The following ABCC3 variants were observed in gnomAD, a reference collection of about 807,000 sequenced individuals.
The protein encoded by ABCC3 is ATP binding cassette subfamily C member 3.
Under a neutral mutation model 165.3 loss-of-function variants are expected in ABCC3, and 121 were observed. The ratio of observed to expected loss-of-function variants is 0.73; its 90% CI spans 0.63 to 0.85. The LOEUF is 0.85. ABCC3 is among the 40% of genes least tolerant of loss of function. The pLI is 0.00. For synonymous variants in ABCC3, 733 were observed against 810.1 expected (o/e 0.90, Z 1.62); for missense variants, 1,869 against 1,964.1 (o/e 0.95, Z 0.92).
chr17:50,650,092 C>T lies in ABCC3; in HGVS notation c.46-5740C>T, dbSNP rs578261640. ...CACCATGTTGTTTTAATGGAGAGAA[C>T]CAAATTCTAGTTTTGCATCAGTGTA... is the stretch of plus-strand genomic sequence containing the variant. On this transcript the variant is annotated intron_variant, in intron 1 of 30. Transcript: ENST00000285238. 2.0e-5 allele frequency among the ~76,000 whole-genome samples: 3 copies of T among 152,264 alleles called. No homozygotes were observed. In the South Asian group the frequency reaches 6.2e-4, roughly 32 times the overall value.
rs750071559 is a variant in ABCC3, at chr17:50,683,774, G to A, written c.3954+18G>A. On this transcript the variant is annotated intron_variant, in intron 27 of 30. Coordinates refer to ENST00000285238, the MANE Select transcript of ABCC3 (RefSeq NM_003786.4). ...GCGAGAAGGTACGCGTGGGGTAGGC[G>A]GGCCTGCGTGTGTGTTCATGCCTGC... is the stretch of plus-strand genomic sequence containing the variant. The A allele has an allele frequency of 2.3e-5, 36 of 1,597,274 alleles. No individual in the cohort carries two copies. Among genetic ancestry groups the A allele is most frequent in the South Asian group, 4.5e-5 (4 of 89,184 alleles).
chr17:50,637,340 A>G (rs554177672), intron 1 of ABCC3, among the ~76,000 whole-genome samples: 11 of 151,894 alleles, frequency 7.2e-5, no homozygotes, highest in Non-Finnish European at 1.3e-4. Flanking sequence ...AAGGAGAGAG[A>G]GTCTACACTG....
chr17:50,657,326 T>C, intron 4 of ABCC3, 143 bp downstream of exon 4: 2 of 1,186,660 alleles, frequency 1.7e-6, no homozygotes, highest in Non-Finnish European at 2.4e-6. Context: ...ACTTGCTACA[T>C]TTCTACCTGG....
At position 50,667,580 on chromosome 17, in the gene ABCC3, G is replaced by A. The variant is rs370442151; in HGVS notation, c.1458G>A (p.Ser486=). The A allele has an allele frequency of 5.7e-5, 92 of 1,610,484 alleles. No homozygotes were observed. The highest frequency in any genetic ancestry group is 5.1e-4 in the East Asian group (23 of 44,762). Residue 486 remains serine (S), a synonymous_variant, in exon 12 of 31, where the codon TCG becomes TCA. Coordinates refer to ENST00000285238, the MANE Select transcript of ABCC3 (RefSeq NM_003786.4). ...FQVKQMKLKD[S]RIKLMSEILN... The stretch of plus-strand genomic sequence containing the variant: ...TAAAGCAAATGAAATTGAAGGACTC[G>A]CGCATCAAGCTGATGAGTGAGATCC...
At chr17:50,679,740 A>G in intron 25 of ABCC3, 58 bp from the exon 26 acceptor site, 1 of 1,520,026 alleles carries the variant, frequency 6.6e-7, no homozygotes, top group Non-Finnish European at 9.1e-7. Flanking sequence ...ACTCCTCCCA[A>G]AGCCATTACG....
At chr17:50,661,141 G>T in intron 8 of ABCC3, 27 bp downstream of exon 8, 2 of 1,573,722 alleles carry the variant, frequency 1.3e-6, no homozygotes, top group Non-Finnish European at 1.7e-6. Flanking sequence ...GCTCACTATA[G>T]CCCTGCCCTG....
chr17:50,671,748 T>C (rs966443238), intron 17 of ABCC3, among the ~76,000 whole-genome samples: 2 of 127,304 alleles, frequency 1.6e-5, no homozygotes, highest in African/African-American at 5.6e-5. Context: ...AAGGCTTCAC[T>C]CTGTTGCCCA....
Position 50,675,674 on chromosome 17 carries a change from C to T in ABCC3, c.2758C>T (p.Pro920Ser), listed in dbSNP as rs35999272. ...LSSDGEGQGRPVPRRHLGPSE... is the reference protein window; with the variant it reads ...LSSDGEGQGRSVPRRHLGPSE... ...CTCAGATGGGGAGGGACAGGGTCGG[C>T]CTGTACCCCGGAGGCACCTGGGTCC... is the stretch of plus-strand genomic sequence containing the variant. Residue 920 changes from proline (P) to serine (S), a missense_variant, in exon 21 of 31, where the codon CCT becomes TCT. Physicochemically the swap from Pro to Ser is moderately conservative, Grantham distance 74. Transcript: ENST00000285238. The T allele has an allele frequency of 7.5e-3, 11,750 of 1,572,904 alleles. 755 individuals are homozygous for T. In the African/African-American group the frequency reaches 0.14, roughly 18 times the overall value.
At position 50,643,743 on chromosome 17, in the gene ABCC3, T is replaced by C. The variant is rs866293055; in HGVS notation, c.45+8762T>C. Reference sequence around the variant, plus strand: ...ACAAGTGGTAAAAAGAGGGACTAGGTTGAGCAAGGGGGTAGGAGCAAGAAT... The same window carrying C: ...ACAAGTGGTAAAAAGAGGGACTAGGCTGAGCAAGGGGGTAGGAGCAAGAAT... On this transcript the variant is annotated intron_variant, in intron 1 of 30. Coordinates refer to ENST00000285238, the MANE Select transcript of ABCC3 (RefSeq NM_003786.4). 13 of 414,522 alleles carry C rather than the reference T, an allele frequency of 3.1e-5. No individual in the cohort carries two copies. The Middle Eastern group carries it at 2.1e-3, about 66-fold the overall frequency. 25.7% of individuals were successfully genotyped at this position (414,522 alleles called of 1,614,324 possible). A position where few individuals can be genotyped will look rare whatever the true frequency, so the allele number is the denominator to read the frequency against.
chr17:50,658,313 C>T lies in ABCC3; in HGVS notation c.612+106C>T. The T allele has an allele frequency of 2.5e-6, 4 of 1,587,042 alleles. 1 individual carries two copies. In the South Asian group the frequency reaches 4.4e-5, roughly 18 times the overall value. On this transcript the variant is annotated intron_variant, in intron 5 of 30. Transcript: ENST00000285238. ...GTTCCTTTCAAAGTGGGAGAGAGGT[C>T]ATCCCCACAATCTGTAAACTGGGGC...
At chr17:50,666,952 G>C (rs531051945) in intron 11 of ABCC3, among the ~76,000 whole-genome samples, 7 of 152,060 alleles carry the variant, frequency 4.6e-5, no homozygotes, top group Admixed American at 3.9e-4. Context: ...AGGTGTGGTG[G>C]CTCACACCTG....
chr17:50,675,505 C>T (rs2072365), intron 20 of ABCC3, 29 bp downstream of exon 20: 583,184 of 1,602,490 alleles, frequency 0.36, 108,914 homozygotes, highest in South Asian at 0.45. Context: ...CCAGCCCTCC[C>T]GGAGGCTGTA....
chr17:50,690,075 G>C (rs1482150131), intron 30 of ABCC3, among the ~76,000 whole-genome samples: 1 of 152,222 alleles, frequency 6.6e-6, no homozygotes, highest in East Asian at 1.9e-4. Flanking sequence ...CTGAAAGAAT[G>C]AGTAAGAGTT....
intron 1 of ABCC3, among the ~76,000 whole-genome samples, chr17:50,638,933 T>A (rs2054202675): frequency 1.3e-5 from 2 of 152,196 alleles, no homozygotes; most frequent in South Asian, 4.1e-4. Context: ...AGCCTTGGGC[T>A]TGGGGGCGAA....
At position 50,686,856 on chromosome 17, in the gene ABCC3, C is replaced by T. The variant is rs561142098; in HGVS notation, c.4281-680C>T. Reference sequence around the variant, plus strand: ...ACTTTACTCCGGCTGTGGTGACTCACGCCTTTGGGAAGGGCTGAGGTATTT... The same window carrying T: ...ACTTTACTCCGGCTGTGGTGACTCATGCCTTTGGGAAGGGCTGAGGTATTT... On this transcript the variant is annotated intron_variant, in intron 29 of 30. Transcript: ENST00000285238. Among the ~76,000 whole-genome samples the T allele has an allele frequency of 5.9e-5, 9 of 152,282 alleles. No homozygotes were observed. The South Asian group carries it at 1.9e-3, about 32-fold the overall frequency.
chr17:50,677,184 C>T (rs1380090990), intron 23 of ABCC3, among the ~76,000 whole-genome samples: 1 of 152,228 alleles, frequency 6.6e-6, no homozygotes. Context: ...ACCCGGCCTT[C>T]CTGTTGGCTG....
rs778996978 is a variant in ABCC3 at position 50,676,463 on chromosome 17, CCT to C, written c.3254_3255del (p.Pro1085ArgfsTer86). ...DIYVVDEVLA[P>X]VILMLLNSFF... ...CTATGTCGTTGATGAGGTTCTGGCC[CCT>C]GTCATCCTCATGCTGCTCAATTCCT... On this transcript the variant is annotated frameshift_variant, in exon 23 of 31. Coordinates refer to ENST00000285238, the MANE Select transcript of ABCC3 (RefSeq NM_003786.4). LOFTEE classifies it high-confidence loss of function. 4.3e-6 allele frequency: 7 copies of C among 1,614,200 alleles called. No individual in the cohort carries two copies. Among genetic ancestry groups the C allele is most frequent in the African/African-American group, 1.3e-5 (1 of 75,038 alleles).
At position 50,676,531 on chromosome 17, in the gene ABCC3, C is replaced by G. The variant is rs760707428; in HGVS notation, c.3321C>G (p.Ser1107Arg). Residue 1107 changes from serine (S) to arginine (R), a missense_variant, in exon 23 of 31, where the codon AGC (serine) becomes AGG (arginine). By Grantham distance (110) the Ser-to-Arg change is moderately radical. Coordinates refer to ENST00000285238, the MANE Select transcript of ABCC3 (RefSeq NM_003786.4). ...CCACTCTTGTGGTCATCATGGCCAGCACGCCGCTCTTCACTGTGGTCATCC... is the reference window on the plus strand; with the variant it reads ...CCACTCTTGTGGTCATCATGGCCAGGACGCCGCTCTTCACTGTGGTCATCC... ...AISTLVVIMASTPLFTVVILP... is the reference protein window; with the variant it reads ...AISTLVVIMARTPLFTVVILP... The G allele has an allele frequency of 2.2e-5, 36 of 1,614,018 alleles. No individual in the cohort carries two copies. Among genetic ancestry groups the G allele is most frequent in the Non-Finnish European group, 2.7e-5 (32 of 1,180,016 alleles).
At chr17:50,684,457 G>A (rs535049857) in intron 28 of ABCC3, among the ~76,000 whole-genome samples, 32 of 152,068 alleles carry the variant, frequency 2.1e-4, no homozygotes, top group African/African-American at 5.5e-4. Flanking sequence ...TGTTTCTGCC[G>A]AGTGGACACT....
Sources: gnomAD v4.1 joint callset for allele counts (sites outside exome capture counted in the v4.1 genomes callset) on GRCh38, gnomAD v4.1.1 for gene constraint, MANE v1.5 for transcripts, NCBI Gene and HGNC (gene_info 2026-07-23, HGNC 2026-07-21) for gene names.